The following CFAP99 variants were observed in gnomAD, a reference collection of about 807,000 sequenced individuals.
CFAP99 encodes the protein cilia- and flagella-associated protein 99.
Under a neutral mutation model 82.7 loss-of-function variants are expected in CFAP99, and 84 were observed. The observed-to-expected ratio is 1.02, with a 90% CI of 0.85 to 1.22. The LOEUF (loss-of-function observed/expected upper bound fraction) is 1.22, where lower values mean the gene tolerates loss of function less well. Among genes scored for constraint, CFAP99 ranks in the 50% most tolerant of loss-of-function variants. CFAP99 has a pLI of 0.00. For missense variants in CFAP99, 1,059 were observed against 983.5 expected (o/e 1.08, Z -1.03); for synonymous variants, 456 against 429.5 (o/e 1.06, Z -0.76).
At chr4:2,444,718 C>T (rs1734123133) in intron 5 of CFAP99, among the ~76,000 whole-genome samples, 1 of 152,238 alleles carries the variant, frequency 6.6e-6, no homozygotes, top group Non-Finnish European at 1.5e-5. Context: ...AGTATAGTTC[C>T]AGAATGTTCC....
Position 2,418,983 on chromosome 4 carries a change from G to T in CFAP99, c.-128G>T, listed in dbSNP as rs1228442343. ...AAACAGCCGCGGCGTCCTGCCTACC[G>T]GGAGCTGACGGACGACGACTGCCAA... On this transcript the variant is annotated 5_prime_UTR_variant, in exon 1 of 15. Transcript: ENST00000635017. This position sits in a 1 kb window ranked among gnomAD's most constrained non-coding sequence, Gnocchi z 4.6. 1.3e-5 allele frequency: 2 copies of T among 152,150 alleles called. No homozygotes were observed. Among genetic ancestry groups the T allele is most frequent in the African/African-American group, 4.8e-5 (2 of 41,444 alleles). The allele number at this position is 152,150 out of a possible 1,614,324, so 9.4% of individuals were successfully genotyped here.
chr4:2,442,818 T>C (rs1227694590), intron 4 of CFAP99, among the ~76,000 whole-genome samples: 1 of 152,054 alleles, frequency 6.6e-6, no homozygotes, highest in Non-Finnish European at 1.5e-5. Context: ...AGCACCAGCA[T>C]CAGAGTTCCG....
chr4:2,436,081 CAA>C (rs60559586), intron 2 of CFAP99, among the ~76,000 whole-genome samples: 30,631 of 125,360 alleles, frequency 0.24, 3,624 homozygotes, highest in East Asian at 0.37. Context: ...TCAAAAACTT[CAA>C]AAAAAAAAAA....
chr4:2,433,636 A>G (rs1012897270), intron 2 of CFAP99, among the ~76,000 whole-genome samples: 1 of 152,038 alleles, frequency 6.6e-6, no homozygotes, highest in Non-Finnish European at 1.5e-5. Flanking sequence ...CCCGCGATCT[A>G]TGTGGAGGCA....
At chr4:2,440,356 CG>C (rs1734006722) in intron 4 of CFAP99, among the ~76,000 whole-genome samples, 1 of 148,076 alleles carries the variant, frequency 6.8e-6, no homozygotes, top group Non-Finnish European at 1.5e-5. Context: ...CCGTTTTAGC[CG>C]GGATGGTCTC....
At chr4:2,456,956 T>C (rs903721363) in intron 11 of CFAP99, among the ~76,000 whole-genome samples, 2 of 149,052 alleles carry the variant, frequency 1.3e-5, no homozygotes, top group Non-Finnish European at 3.0e-5. Context: ...AATACTTTTT[T>C]TTTTTTTTTT....
chr4:2,450,265 G>C, intron 8 of CFAP99: 1 of 545,172 alleles, frequency 1.8e-6, no homozygotes, highest in South Asian at 2.2e-5. Context: ...CTGCCTCTGG[G>C]TATCTCCAGA....
chr4:2,455,699 G>A (rs1313796529), intron 11 of CFAP99, among the ~76,000 whole-genome samples: 1 of 152,044 alleles, frequency 6.6e-6, no homozygotes, highest in Non-Finnish European at 1.5e-5. Flanking sequence ...ATAAAAAAAA[G>A]AAAATGCCGC....
intron 4 of CFAP99, among the ~76,000 whole-genome samples, chr4:2,442,627 C>T (rs1294196601): frequency 2.0e-5 from 3 of 152,304 alleles, no homozygotes; most frequent in Middle Eastern, 6.8e-3. Flanking sequence ...GGGGCCGTCA[C>T]CATGGAGCCC....
intron 6 of CFAP99, among the ~76,000 whole-genome samples, chr4:2,447,929 G>A (rs201139540): frequency 3.0e-4 from 42 of 139,858 alleles, no homozygotes; most frequent in Middle Eastern, 3.7e-3. Context: ...GAATGGATGG[G>A]TGGATGGATG....
exon 5 of CFAP99, chr4:2,443,140 T>A: frequency 6.5e-7 from 1 of 1,531,520 alleles, no homozygotes. Flanking sequence ...TTCCTCAGGT[T>A]CTTCTTCAAC....
intron 11 of CFAP99, among the ~76,000 whole-genome samples, chr4:2,458,107 TC>T (rs1215607166): frequency 1.3e-5 from 2 of 152,182 alleles, no homozygotes; most frequent in Non-Finnish European, 2.9e-5. Flanking sequence ...CCCAGCCGTC[TC>T]CCTGTGCCAT....
chr4:2,450,128 G>A, intron 8 of CFAP99, 123 bp downstream of exon 8: 2 of 991,310 alleles, frequency 2.0e-6, no homozygotes, highest in Non-Finnish European at 3.0e-6. Context: ...GGCCGGGGAG[G>A]GGCGGATTCC....
At chr4:2,426,159 G>A (rs1051393262) in intron 1 of CFAP99, among the ~76,000 whole-genome samples, 3 of 152,150 alleles carry the variant, frequency 2.0e-5, no homozygotes, top group Admixed American at 6.5e-5. Context: ...GGCCAGCTTC[G>A]GTCTGTGGTG....
intron 4 of CFAP99, among the ~76,000 whole-genome samples, chr4:2,441,221 A>G (rs1368083703): frequency 2.0e-5 from 3 of 151,646 alleles, no homozygotes; most frequent in African/African-American, 7.3e-5. Context: ...AAATAGAAAA[A>G]AATTAGCCGG....
intron 6 of CFAP99, among the ~76,000 whole-genome samples, chr4:2,447,654 T>C (rs973195766): frequency 1.2e-4 from 17 of 143,278 alleles, no homozygotes; most frequent in Non-Finnish European, 2.4e-4. Context: ...GGTGGATGGA[T>C]GGATGGATGG....
chr4:2,433,450 G>A (rs1027397310), intron 2 of CFAP99, among the ~76,000 whole-genome samples: 4 of 152,048 alleles, frequency 2.6e-5, no homozygotes, highest in Non-Finnish European at 5.9e-5. Flanking sequence ...AGTGCCCTCG[G>A]TGTGGGTACA....
exon 5 of CFAP99, chr4:2,443,214 AAGG>A (rs1734091319): frequency 7.2e-6 from 11 of 1,535,534 alleles, no homozygotes; most frequent in Non-Finnish European, 9.6e-6. Context: ...AGCCCACGTG[AAGG>A]AGAACTGGAT....
intron 6 of CFAP99, among the ~76,000 whole-genome samples, chr4:2,447,207 T>A (rs565825205): frequency 3.3e-5 from 5 of 149,896 alleles, no homozygotes; most frequent in Admixed American, 6.6e-5. Flanking sequence ...AATGAATGAG[T>A]TGGTAGATAG....
Sources: gnomAD v4.1 joint callset for allele counts (sites outside exome capture counted in the v4.1 genomes callset) on GRCh38, gnomAD v4.1.1 for gene constraint, Gnocchi (gnomAD v3.1) non-coding constraint, MANE v1.5 for transcripts, NCBI Gene and HGNC (gene_info 2026-07-23, HGNC 2026-07-21) for gene names.